Variants in FSIP1 observed in about 807,000 individuals in gnomAD.
The protein encoded by FSIP1 is fibrous sheath interacting protein 1, also known as fibrous sheath-interacting protein 1.
In FSIP1, 65 loss-of-function variants were observed where a neutral mutation model predicts 60.9. The observed-to-expected ratio is 1.07, with a 90% CI of 0.87 to 1.31. The LOEUF is 1.31. Among genes scored for constraint, FSIP1 ranks in the 40% most tolerant of loss-of-function variants. FSIP1 has a pLI of 0.00. For missense variants in FSIP1, 675 were observed against 665.5 expected (o/e 1.01, Z -0.16); for synonymous variants, 209 against 221.2 (o/e 0.94, Z 0.49).
At position 39,771,188 on chromosome 15, in the gene FSIP1, C is replaced by T. The variant is rs188377989; in HGVS notation, c.127-578G>A. Among the ~76,000 whole-genome samples the T allele has an allele frequency of 3.1e-4, 47 of 152,264 alleles. 1 individual carries two copies. In the East Asian group the frequency reaches 6.9e-3, roughly 22 times the overall value. ...TTCCTAAGAGAGAACAGAAAAGGACCTCCATGGCCGGGTGAGGGAAAAGCA... is the reference window on the plus strand; with the variant it reads ...TTCCTAAGAGAGAACAGAAAAGGACTTCCATGGCCGGGTGAGGGAAAAGCA... On this transcript the variant is annotated intron_variant, in intron 2 of 11. Coordinates refer to ENST00000350221, the MANE Select transcript of FSIP1 (RefSeq NM_152597.5).
Position 39,631,282 on chromosome 15 carries a change from C to A in FSIP1, c.1189-13037G>T, listed in dbSNP as rs369139974. ...CCATCCTAGGCCCAACTCCTCTTCT[C>A]TCCCCGATGTCTTGTTCCTTCCAGA... On this transcript the variant is annotated intron_variant, in intron 10 of 11. Transcript: ENST00000350221. 3.4e-4 allele frequency among the ~76,000 whole-genome samples: 52 copies of A among 152,334 alleles called. No homozygotes were observed. In the East Asian group the frequency reaches 8.5e-3, roughly 25 times the overall value.
At chr15:39,767,211 T>C (rs1268423718) in intron 3 of FSIP1, among the ~76,000 whole-genome samples, 1 of 152,196 alleles carries the variant, frequency 6.6e-6, no homozygotes, top group South Asian at 2.1e-4. Context: ...AAGGATATTA[T>C]TAATAAGGAG....
intron 9 of FSIP1, among the ~76,000 whole-genome samples, chr15:39,723,670 ATTCT>A (rs995414712): frequency 1.3e-5 from 2 of 152,250 alleles, no homozygotes; most frequent in African/African-American, 2.4e-5. Flanking sequence ...CTCAAAAGAA[ATTCT>A]TTCTTAAGGA....
At chr15:39,746,772 C>T (rs918221738) in intron 5 of FSIP1, among the ~76,000 whole-genome samples, 8 of 151,306 alleles carry the variant, frequency 5.3e-5, no homozygotes, top group Non-Finnish European at 4.4e-5. Flanking sequence ...GAGTAAGTCA[C>T]AGGAAAGAAC....
intron 10 of FSIP1, among the ~76,000 whole-genome samples, chr15:39,703,169 A>G (rs1345515622): frequency 3.3e-5 from 5 of 152,094 alleles, no homozygotes; most frequent in Non-Finnish European, 5.9e-5. Flanking sequence ...TTTAGTAGCG[A>G]TGAGGTTTTG....
intron 10 of FSIP1, among the ~76,000 whole-genome samples, chr15:39,656,419 C>T (rs1169572769): frequency 6.6e-6 from 1 of 152,150 alleles, no homozygotes; most frequent in African/African-American, 2.4e-5. Flanking sequence ...TAAATCTTGT[C>T]CTCTTTCTGG....
intron 10 of FSIP1, among the ~76,000 whole-genome samples, chr15:39,704,637 T>A (rs543749516): frequency 7.4e-4 from 112 of 152,334 alleles, no homozygotes; most frequent in African/African-American, 2.6e-3. Flanking sequence ...TTCTAATCCA[T>A]GGAACTGGCC....
At chr15:39,685,273 T>C (rs987696972) in intron 10 of FSIP1, among the ~76,000 whole-genome samples, 1 of 152,184 alleles carries the variant, frequency 6.6e-6, no homozygotes, top group African/African-American at 2.4e-5. Flanking sequence ...AAATTGTTCA[T>C]GTGTGATAAA....
chr15:39,689,997 G>A (rs1234015899), intron 10 of FSIP1, among the ~76,000 whole-genome samples: 2 of 152,196 alleles, frequency 1.3e-5, no homozygotes, highest in African/African-American at 4.8e-5. Context: ...AGATGATATG[G>A]AGTGGAGTTT....
intron 10 of FSIP1, among the ~76,000 whole-genome samples, chr15:39,647,855 A>G (rs1353358779): frequency 6.6e-6 from 1 of 152,232 alleles, no homozygotes; most frequent in African/African-American, 2.4e-5. Flanking sequence ...TTATATTGGG[A>G]AAAATACTGC....
At chr15:39,715,203 G>A (rs911315529) in intron 9 of FSIP1, among the ~76,000 whole-genome samples, 2 of 152,012 alleles carry the variant, frequency 1.3e-5, no homozygotes, top group Non-Finnish European at 2.9e-5. Context: ...TTGAGACTCA[G>A]ACTCAAATGT....
At chr15:39,696,891 T>C (rs1894838882) in intron 10 of FSIP1, among the ~76,000 whole-genome samples, 1 of 34,844 alleles carries the variant, frequency 2.9e-5, no homozygotes. Context: ...TGTGTGTGTG[T>C]GTGTGTGTGT....
chr15:39,601,223 C>T (rs1890628962), intron 11 of FSIP1, among the ~76,000 whole-genome samples: 1 of 152,128 alleles, frequency 6.6e-6, no homozygotes, highest in African/African-American at 2.4e-5. Flanking sequence ...TTGCTTTCTA[C>T]TAAGTTTCTG....
At chr15:39,736,388 G>C (rs895324464) in intron 8 of FSIP1, among the ~76,000 whole-genome samples, 2 of 152,190 alleles carry the variant, frequency 1.3e-5, no homozygotes, top group African/African-American at 4.8e-5. Context: ...ATATTCTGTA[G>C]ATATGTTTTT....
intron 10 of FSIP1, among the ~76,000 whole-genome samples, chr15:39,695,532 T>C (rs1894781141): frequency 6.6e-6 from 1 of 152,186 alleles, no homozygotes; most frequent in South Asian, 2.1e-4. Flanking sequence ...ACAAATTTAA[T>C]GTTACTATTT....
intron 4 of FSIP1, 43 bp from the exon 5 acceptor site, chr15:39,763,957 C>A (rs2140703616): frequency 1.0e-6 from 1 of 994,838 alleles, no homozygotes. Flanking sequence ...GAAAAGAAGG[C>A]AACTATAATC....
intron 10 of FSIP1, among the ~76,000 whole-genome samples, chr15:39,664,951 C>T (rs1893438899): frequency 6.6e-6 from 1 of 152,170 alleles, no homozygotes; most frequent in Admixed American, 6.5e-5. Flanking sequence ...TCCATGAGAG[C>T]ACAGACATTA....
chr15:39,677,799 C>A (rs1402282505), intron 10 of FSIP1, among the ~76,000 whole-genome samples: 2 of 151,978 alleles, frequency 1.3e-5, no homozygotes, highest in Non-Finnish European at 2.9e-5. Flanking sequence ...AGATGGAGAC[C>A]ATCCTGGCCA....
intron 10 of FSIP1, among the ~76,000 whole-genome samples, chr15:39,662,394 T>C (rs962717951): frequency 7.9e-5 from 12 of 152,140 alleles, no homozygotes; most frequent in Non-Finnish European, 1.6e-4. Context: ...GAAGAGTTCT[T>C]TAGAAGAGTT....
Sources: allele counts gnomAD v4.1 joint callset (sites outside exome capture counted in the v4.1 genomes callset), GRCh38; gene constraint gnomAD v4.1.1; transcripts MANE v1.5; gene names NCBI Gene and HGNC (gene_info 2026-07-23, HGNC 2026-07-21).